The following PAM variants were observed in gnomAD, a reference collection of about 807,000 sequenced individuals.
The protein encoded by PAM is peptidyl-glycine alpha-amidating monooxygenase.
PAM carries 72 observed loss-of-function variants against 122.1 expected under a neutral mutation model. The ratio of observed to expected loss-of-function variants is 0.59; its 90% CI spans 0.49 to 0.72. The LOEUF is 0.72. Ranked by LOEUF, PAM falls within the 30% of genes least tolerant of loss-of-function variation. PAM has a pLI of 0.00. For missense variants in PAM, 1,106 were observed against 1,183.7 expected (o/e 0.93, Z 0.96); for synonymous variants, 389 against 404.4 (o/e 0.96, Z 0.46).
At chr5:102,828,432 G>A (rs1344235051) in intron 1 of PAM, among the ~76,000 whole-genome samples, 3 of 152,010 alleles carry the variant, frequency 2.0e-5, no homozygotes, top group African/African-American at 2.4e-5. Context: ...GATGGCTTCT[G>A]GTCCTATGAA....
chr5:102,797,040 T>C (rs1763544444), intron 1 of PAM, among the ~76,000 whole-genome samples: 1 of 152,236 alleles, frequency 6.6e-6, no homozygotes, highest in South Asian at 2.1e-4. Flanking sequence ...ATTTTGAATG[T>C]GCAACAGCAC....
At chr5:102,900,866 A>T (rs929607670) in intron 3 of PAM, among the ~76,000 whole-genome samples, 1 of 151,518 alleles carries the variant, frequency 6.6e-6, no homozygotes. Flanking sequence ...TGTATTACAT[A>T]AAAAAATTTA....
chr5:102,850,993 A>G (rs929280751), intron 1 of PAM, among the ~76,000 whole-genome samples: 2 of 152,208 alleles, frequency 1.3e-5, no homozygotes, highest in African/African-American at 4.8e-5. Flanking sequence ...TTGGGAAGAC[A>G]AAAAGCAGAT....
chr5:102,802,958 CA>C (rs890614441), intron 1 of PAM, among the ~76,000 whole-genome samples: 2 of 151,872 alleles, frequency 1.3e-5, no homozygotes, highest in Non-Finnish European at 2.9e-5. Flanking sequence ...TCTCTACACA[CA>C]AAAAACATTA....
chr5:103,022,456 A>G (rs3776857), intron 23 of PAM, among the ~76,000 whole-genome samples: 46,679 of 151,946 alleles, frequency 0.31, 7,325 homozygotes, highest in East Asian at 0.44. Context: ...TTGTACATAC[A>G]TGTATATGTG....
At chr5:102,927,272 G>A (rs1003112880) in intron 7 of PAM, among the ~76,000 whole-genome samples, 10 of 152,092 alleles carry the variant, frequency 6.6e-5, no homozygotes, top group African/African-American at 2.4e-4. Flanking sequence ...ACTATAGATC[G>A]TTAGCATGAG....
chr5:102,773,191 T>C (rs191522619), intron 1 of PAM, among the ~76,000 whole-genome samples: 1 of 152,258 alleles, frequency 6.6e-6, no homozygotes, highest in African/African-American at 2.4e-5. Flanking sequence ...CAAATTCCTA[T>C]GAAATTTACA....
intron 25 of PAM, 32 bp from the exon 26 acceptor site, chr5:103,028,855 A>G: frequency 1.3e-6 from 2 of 1,513,572 alleles, no homozygotes; most frequent in Non-Finnish European, 1.8e-6. Flanking sequence ...TGCAAACTTT[A>G]CCCAATTCTG....
intron 1 of PAM, among the ~76,000 whole-genome samples, chr5:102,811,943 C>T (rs558845634): frequency 6.6e-6 from 1 of 152,314 alleles, no homozygotes; most frequent in South Asian, 2.1e-4. Flanking sequence ...TATTGAGAGG[C>T]TCACATCAGA....
intron 1 of PAM, among the ~76,000 whole-genome samples, chr5:102,858,263 C>T (rs997956455): frequency 2.6e-5 from 4 of 152,150 alleles, no homozygotes; most frequent in Non-Finnish European, 4.4e-5. Flanking sequence ...ATTTGATTTA[C>T]AAGTTAAGCT....
intron 15 of PAM, among the ~76,000 whole-genome samples, chr5:102,976,499 C>G (rs1003796518): frequency 9.9e-5 from 15 of 151,956 alleles, no homozygotes; most frequent in African/African-American, 3.6e-4. Context: ...AGGGTATAGT[C>G]AAAGAGAATA....
chr5:102,924,433 CAAAAAAA>C (rs989089756), intron 5 of PAM, among the ~76,000 whole-genome samples: 8 of 52,224 alleles, frequency 1.5e-4, no homozygotes, highest in African/African-American at 4.9e-4. Flanking sequence ...AACTCCGTCT[CAAAAAAA>C]AAAAAAAAAA....
chr5:102,841,156 T>G (rs1362169646), intron 1 of PAM, among the ~76,000 whole-genome samples: 1 of 152,142 alleles, frequency 6.6e-6, no homozygotes, highest in Admixed American at 6.5e-5. Flanking sequence ...CATAGTAAGT[T>G]TCATTAAAAT....
chr5:102,910,756 C>A (rs1801150865), intron 4 of PAM, among the ~76,000 whole-genome samples: 1 of 151,682 alleles, frequency 6.6e-6, no homozygotes, highest in African/African-American at 2.4e-5. Context: ...CCATTATTAT[C>A]CTCTAGCTCT....
At chr5:102,779,999 T>G (rs1017941090) in intron 1 of PAM, among the ~76,000 whole-genome samples, 1 of 150,242 alleles carries the variant, frequency 6.7e-6, no homozygotes, top group South Asian at 2.1e-4. Context: ...TGGTCAACTA[T>G]GGTCCAAAAA....
chr5:103,006,779 G>C (rs1396621452), intron 18 of PAM, 22 bp from the exon 19 acceptor site: 6 of 1,564,502 alleles, frequency 3.8e-6, no homozygotes, highest in South Asian at 3.4e-5. Flanking sequence ...AGTAGGTAAG[G>C]CTTTTGTTCC....
chr5:102,784,669 C>T (rs1408781127), intron 1 of PAM, among the ~76,000 whole-genome samples: 5 of 152,132 alleles, frequency 3.3e-5, no homozygotes, highest in South Asian at 2.1e-4. Context: ...ATATACTCAA[C>T]GTATTTGTTG....
intron 16 of PAM, among the ~76,000 whole-genome samples, chr5:103,002,756 C>T (rs1014513597): frequency 6.6e-6 from 1 of 152,098 alleles, no homozygotes; most frequent in African/African-American, 2.4e-5. Flanking sequence ...TAGGAACCAC[C>T]CAAGGGTCTT....
intron 1 of PAM, among the ~76,000 whole-genome samples, chr5:102,790,263 G>A (rs1034738006): frequency 2.0e-5 from 3 of 152,086 alleles, no homozygotes; most frequent in African/African-American, 7.2e-5. Flanking sequence ...GGAAACGAAT[G>A]TGTCCTGGCT....
Sources: allele counts gnomAD v4.1 joint callset (sites outside exome capture counted in the v4.1 genomes callset), GRCh38; gene constraint gnomAD v4.1.1; transcripts MANE v1.5; gene names NCBI Gene and HGNC (gene_info 2026-07-23, HGNC 2026-07-21).